The following CFAP300 variants were observed in gnomAD, a reference collection of about 807,000 sequenced individuals.
The protein encoded by CFAP300 is cilia- and flagella-associated protein 300.
Under a neutral mutation model 33.0 loss-of-function variants are expected in CFAP300, and 32 were observed. That is an observed-to-expected ratio of 0.97 (90% CI 0.73 to 1.30). CFAP300 has a LOEUF of 1.30. Ranked by LOEUF, CFAP300 falls within the 50% of genes most tolerant of loss-of-function variation. CFAP300 has a pLI of 0.00. For missense variants in CFAP300, 356 were observed against 318.1 expected, an observed-to-expected ratio of 1.12 and a Z score of -0.90; for synonymous variants, 102 against 106.8, an observed-to-expected ratio of 0.95 and a Z score of 0.28.
At chr11:102,055,671 C>CTTTT (rs1264720064) in intron 2 of CFAP300, among the ~76,000 whole-genome samples, 2 of 112,592 alleles carry the variant, frequency 1.8e-5, no homozygotes, top group Non-Finnish European at 3.5e-5. Context: ...CTAAACTACC[C>CTTTT]TTTTTTTTTT....
rs534979603 is a variant in CFAP300 at position 102,083,421 on chromosome 11, T to C, written c.*222T>C. 1 of 265,366 alleles carries C rather than the reference T, an allele frequency of 3.8e-6. No individual in the cohort carries two copies. Among genetic ancestry groups the C allele is most frequent in the South Asian group, 1.7e-4 (1 of 5,914 alleles). The allele number at this position is 265,366 out of a possible 1,614,324, so 16.4% of individuals were successfully genotyped here. ...CATAATAAAATCTATACCAAAAAAG[T>C]TGTGGAATTTTTACAGAAAGTTACA... is the stretch of plus-strand genomic sequence containing the variant. On this transcript the variant is annotated 3_prime_UTR_variant, in exon 7 of 7. Transcript: ENST00000434758.
chr11:102,080,330 CT>C (rs1232028806), intron 5 of CFAP300, among the ~76,000 whole-genome samples: 1 of 151,854 alleles, frequency 6.6e-6, no homozygotes, highest in Non-Finnish European at 1.5e-5. Context: ...TGAAAGAAAA[CT>C]ACTGAAAAAA....
chr11:102,058,979 A>G, intron 3 of CFAP300, 24 bp downstream of exon 3: 1 of 1,391,312 alleles, frequency 7.2e-7, no homozygotes, highest in South Asian at 1.3e-5. Flanking sequence ...TCATCTTTTC[A>G]GATACTATTT....
rs151324884 is a variant in CFAP300 at position 102,076,034 on chromosome 11, G to A, written c.597G>A (p.Lys199=). 5.6e-4 allele frequency: 903 copies of A among 1,608,164 alleles called. 5 individuals are homozygous for A. In the African/African-American group the frequency reaches 8.0e-3, roughly 14 times the overall value. The change falls in exon 5 of 7, where the codon AAG becomes AAA. Residue 199 remains lysine (K), a synonymous_variant. Transcript: ENST00000434758. ...TGGAAACAACAAAGCTTATCTATAA[G>A]GATCTGGTGAGGTAATGTTGCTAGA... ...PYLETTKLIY[K]DLVSVRKNPQ... is the part of the protein sequence containing the mutation.
chr11:102,054,728 CAAAAAAAA>C (rs542071172), intron 2 of CFAP300, among the ~76,000 whole-genome samples: 1 of 70,924 alleles, frequency 1.4e-5, no homozygotes. Flanking sequence ...GACTTGGTCT[CAAAAAAAA>C]AAAAAAAAAA....
At chr11:102,063,633 G>C (rs921404851) in intron 3 of CFAP300, among the ~76,000 whole-genome samples, 1 of 152,114 alleles carries the variant, frequency 6.6e-6, no homozygotes, top group Non-Finnish European at 1.5e-5. Flanking sequence ...TTTGAGACTA[G>C]CCTGGGCAAC....
At chr11:102,075,739 ACT>A (rs1942385601) in intron 4 of CFAP300, 132 bp from the exon 5 acceptor site, 1 of 598,596 alleles carries the variant, frequency 1.7e-6, no homozygotes, top group Non-Finnish European at 2.8e-6. Context: ...ATTACAGGTT[ACT>A]CTCTTCAGTT....
rs1406540411 is a variant in CFAP300 at position 102,073,502 on chromosome 11, A to G, written c.436-2371A>G. Among the ~76,000 whole-genome samples the G allele has an allele frequency of 5.9e-5, 9 of 152,276 alleles. No homozygotes were observed. The East Asian group carries it at 1.7e-3, about 29-fold the overall frequency. On this transcript the variant is annotated intron_variant, in intron 4 of 6. Transcript: ENST00000434758. ...CTGTCCTCAGGTCCTCCAGTGGTACATTCAGGCGGATCCTCTTGTGAGTTG... is the reference window on the plus strand; with the variant it reads ...CTGTCCTCAGGTCCTCCAGTGGTACGTTCAGGCGGATCCTCTTGTGAGTTG...
intron 5 of CFAP300, among the ~76,000 whole-genome samples, chr11:102,080,304 T>C (rs7945871): frequency 0.43 from 65,898 of 151,902 alleles, 14,581 homozygotes; most frequent in East Asian, 0.7. Flanking sequence ...AGGAAATCTT[T>C]TGTGGGGAGA....
chr11:102,070,312 T>C (rs1321400243), intron 4 of CFAP300, among the ~76,000 whole-genome samples: 1 of 152,138 alleles, frequency 6.6e-6, no homozygotes, highest in African/African-American at 2.4e-5. Flanking sequence ...CACCATAGAG[T>C]TGAGTTTTTT....
Position 102,047,591 on chromosome 11 carries a change from G to C in CFAP300, c.110+11G>C, listed in dbSNP as rs1476775749. On this transcript the variant is annotated intron_variant, in intron 1 of 6. Transcript: ENST00000434758. ...CCGGCTCCGCCAGTGGTGAGGAACCGAGGCACAGGGAGAGAAGAGGCCCTT... is the reference window on the plus strand; with the variant it reads ...CCGGCTCCGCCAGTGGTGAGGAACCCAGGCACAGGGAGAGAAGAGGCCCTT... 20 of 1,533,982 alleles carry C rather than the reference G, an allele frequency of 1.3e-5. No homozygotes were observed. The East Asian group carries it at 2.0e-4, about 15-fold the overall frequency.
chr11:102,072,784 T>A (rs1426475156), intron 4 of CFAP300, among the ~76,000 whole-genome samples: 2 of 152,220 alleles, frequency 1.3e-5, no homozygotes, highest in Non-Finnish European at 2.9e-5. Context: ...ATTGGCTTTT[T>A]TAGGAGAAGA....
At chr11:102,054,131 A>G (rs1942013288) in intron 2 of CFAP300, among the ~76,000 whole-genome samples, 1 of 152,208 alleles carries the variant, frequency 6.6e-6, no homozygotes, top group African/African-American at 2.4e-5. Flanking sequence ...AAGAGTGGCC[A>G]GTTGTTAAAC....
At chr11:102,058,774 T>A in intron 2 of CFAP300, 106 bp from the exon 3 acceptor site, 1 of 673,576 alleles carries the variant, frequency 1.5e-6, no homozygotes, top group Non-Finnish European at 2.5e-6. Flanking sequence ...CAATTTAAAA[T>A]TGTCCTTTCT....
intron 2 of CFAP300, among the ~76,000 whole-genome samples, chr11:102,049,912 A>G (rs1443716607): frequency 6.6e-6 from 1 of 150,522 alleles, no homozygotes; most frequent in Non-Finnish European, 1.5e-5. Context: ...GCACTTTGGG[A>G]GGCTGAGGCA....
intron 2 of CFAP300, 139 bp downstream of exon 2, chr11:102,048,035 T>C (rs1941911147): frequency 1.3e-6 from 1 of 756,254 alleles, no homozygotes; most frequent in Non-Finnish European, 2.1e-6. Flanking sequence ...AAGGTGCAAA[T>C]GATTTTTTTA....
At position 102,083,193 on chromosome 11, in the gene CFAP300, G is replaced by A; in HGVS notation, c.798G>A (p.Met266Ile). The A allele has an allele frequency of 6.7e-7, 1 of 1,494,356 alleles. No individual in the cohort carries two copies. 92.6% of individuals were successfully genotyped at this position (1,494,356 alleles called of 1,614,324 possible). ...ACCACTGTTATGGTGTGGGAGACAT[G>A]TCTTAATGTTCTTTCAGATTATGTA... ...VLYHCYGVGDMS is the reference protein window; with the variant it reads ...VLYHCYGVGDIS The change falls in exon 7 of 7, where the codon ATG becomes ATA. Residue 266 changes from methionine to isoleucine, a missense_variant. Physicochemically the swap from Met to Ile is conservative, Grantham distance 10 (BLOSUM62 1). Coordinates refer to ENST00000434758, the MANE Select transcript of CFAP300 (RefSeq NM_032930.3).
Position 102,083,732 on chromosome 11 carries a change from C to T in CFAP300, c.*533C>T, listed in dbSNP as rs551349313. 2.0e-5 allele frequency: 3 copies of T among 152,304 alleles called. No individual in the cohort carries two copies. In the South Asian group the frequency reaches 6.2e-4, roughly 32 times the overall value. 9.4% of individuals were successfully genotyped at this position (152,304 alleles called of 1,614,324 possible). A position where few individuals can be genotyped will look rare whatever the true frequency, so the allele number is the denominator to read the frequency against. On this transcript the variant is annotated 3_prime_UTR_variant, in exon 7 of 7. Coordinates refer to ENST00000434758, the MANE Select transcript of CFAP300 (RefSeq NM_032930.3). ...TAAGCCTCAGTAAAGAAGTAACGTT[C>T]TGGGGCCTGGCACGGTGGCTCACGC...
At chr11:102,075,105 TA>T (rs886986989) in intron 4 of CFAP300, among the ~76,000 whole-genome samples, 15 of 151,956 alleles carry the variant, frequency 9.9e-5, no homozygotes, top group African/African-American at 3.6e-4. Context: ...ACTCCATCTC[TA>T]AAAAAAGAAA....
Sources: allele counts gnomAD v4.1 joint callset (sites outside exome capture counted in the v4.1 genomes callset), GRCh38; gene constraint gnomAD v4.1.1; transcripts MANE v1.5; gene names NCBI Gene and HGNC (gene_info 2026-07-23, HGNC 2026-07-21).